The following SVIL variants were observed in gnomAD, a reference collection of about 807,000 sequenced individuals.
SVIL encodes the protein supervillin.
SVIL carries 101 observed loss-of-function variants against 240.4 expected under a neutral mutation model. That is an observed-to-expected ratio of 0.42 (90% confidence interval 0.36 to 0.50). The LOEUF is 0.50. Ranked by LOEUF, SVIL falls within the 20% of genes least tolerant of loss-of-function variation. The pLI is 0.01. For missense variants in SVIL, 2,512 were observed against 2,818.7 expected (o/e 0.89, Z 2.46); for synonymous variants, 999 against 1,100.0 (o/e 0.91, Z 1.82).
intron 1 of SVIL, among the ~76,000 whole-genome samples, chr10:29,588,769 T>A (rs1246850950): frequency 6.6e-6 from 1 of 152,212 alleles, no homozygotes; most frequent in Non-Finnish European, 1.5e-5. Context: ...GGGTACCTTA[T>A]GTAAAATGTA....
chr10:29,632,365 C>T (rs1161111357), intron 1 of SVIL, among the ~76,000 whole-genome samples: 1 of 152,032 alleles, frequency 6.6e-6, no homozygotes, highest in Non-Finnish European at 1.5e-5. Flanking sequence ...GTGGCATATG[C>T]CTGTAATCCC....
At chr10:29,609,454 G>A (rs1957155806) in intron 1 of SVIL, among the ~76,000 whole-genome samples, 1 of 152,206 alleles carries the variant, frequency 6.6e-6, no homozygotes, top group Non-Finnish European at 1.5e-5. Context: ...TGGTGGGACT[G>A]AAAGAGCTGT....
intron 1 of SVIL, among the ~76,000 whole-genome samples, chr10:29,578,977 G>C (rs1176015183): frequency 6.6e-6 from 1 of 152,172 alleles, no homozygotes; most frequent in Non-Finnish European, 1.5e-5. Context: ...CATGTAGGGA[G>C]AATCAGGAAG....
At chr10:29,656,605 C>T (rs1364045037) in intron 3 of SVIL, among the ~76,000 whole-genome samples, 1 of 152,192 alleles carries the variant, frequency 6.6e-6, no homozygotes. Context: ...ATGAAACTCA[C>T]CAGATCACAT....
chr10:29,481,580 A>G lies in SVIL; in HGVS notation c.5100+4T>C. On this transcript the variant is annotated splice_donor_region_variant and intron_variant, in intron 28 of 37. Coordinates refer to ENST00000355867, the MANE Select transcript of SVIL (RefSeq NM_021738.3). ...CGAGTTTTGAGGCTTGGTCGCCGGA[A>G]TACCTTGTGCTGGGCAAGTTCCCCG... The G allele has an allele frequency of 1.2e-6, 2 of 1,613,580 alleles. No individual in the cohort carries two copies. Among genetic ancestry groups the G allele is most frequent in the Non-Finnish European group, 1.7e-6 (2 of 1,179,894 alleles).
At chr10:29,592,492 C>T (rs570005925) in intron 1 of SVIL, among the ~76,000 whole-genome samples, 1 of 152,270 alleles carries the variant, frequency 6.6e-6, no homozygotes, top group African/African-American at 2.4e-5. Context: ...ACCTAAGTCG[C>T]CAGGTGCTGT....
At chr10:29,606,640 T>C (rs990234129) in intron 1 of SVIL, among the ~76,000 whole-genome samples, 8 of 152,256 alleles carry the variant, frequency 5.3e-5, no homozygotes, top group African/African-American at 1.9e-4. Context: ...TTTGGTATCA[T>C]CTAATACTTG....
At chr10:29,720,267 T>C (rs893753611) in intron 1 of SVIL, among the ~76,000 whole-genome samples, 6 of 152,090 alleles carry the variant, frequency 3.9e-5, no homozygotes, top group Admixed American at 3.3e-4. Flanking sequence ...CAAAAGAAGG[T>C]AAGAATGATA....
At chr10:29,694,231 CAA>C (rs61095076) in intron 1 of SVIL, among the ~76,000 whole-genome samples, 26 of 99,824 alleles carry the variant, frequency 2.6e-4, no homozygotes, top group Admixed American at 2.1e-4. Context: ...CTGTGTCTAC[CAA>C]AAAAAAAAAA....
chr10:29,475,270 A>G (rs1439182032), intron 29 of SVIL: 1 of 152,196 alleles, frequency 6.6e-6, no homozygotes, highest in Non-Finnish European at 1.5e-5. Flanking sequence ...GCCTCAAGTG[A>G]TCCTCCCACC....
chr10:29,577,600 T>G (rs1033652198), intron 1 of SVIL, among the ~76,000 whole-genome samples: 1 of 152,306 alleles, frequency 6.6e-6, no homozygotes, highest in African/African-American at 2.4e-5. Context: ...GGCACTTAGG[T>G]TGGTTCCATG....
Position 29,699,381 on chromosome 10 carries a change from A to C in SVIL, c.-399-12730T>G, listed in dbSNP as rs1056572617. ...ATGCAGTGCAATCTTGGCTCACTGCAACCTCTGCCTCCCTGGGTTCAAGCA... is the reference window on the plus strand; with the variant it reads ...ATGCAGTGCAATCTTGGCTCACTGCCACCTCTGCCTCCCTGGGTTCAAGCA... On this transcript the variant is annotated intron_variant, in intron 1 of 35. Transcript: ENST00000375400. Among the ~76,000 whole-genome samples, 14 of 152,076 alleles carry C rather than the reference A, an allele frequency of 9.2e-5. No homozygotes were observed. The East Asian group carries it at 2.5e-3, about 27-fold the overall frequency.
At chr10:29,625,873 G>A (rs963424892) in intron 1 of SVIL, among the ~76,000 whole-genome samples, 1 of 152,192 alleles carries the variant, frequency 6.6e-6, no homozygotes, top group African/African-American at 2.4e-5. Context: ...AGCCTTACAA[G>A]TGTCTCCTTT....
chr10:29,504,523 GGAAAAACATC>G (rs1414663780), intron 17 of SVIL, among the ~76,000 whole-genome samples: 1 of 152,068 alleles, frequency 6.6e-6, no homozygotes, highest in East Asian at 1.9e-4. Flanking sequence ...TTAACAGATG[GGAAAAACATC>G]TGAATAGATA....
At chr10:29,533,865 G>A (rs1159926595) in intron 7 of SVIL, among the ~76,000 whole-genome samples, 1 of 152,150 alleles carries the variant, frequency 6.6e-6, no homozygotes, top group African/African-American at 2.4e-5. Context: ...CACGGACTGT[G>A]GGGGAAGGTT....
chr10:29,575,835 C>A (rs1955670510), intron 1 of SVIL, among the ~76,000 whole-genome samples: 1 of 152,064 alleles, frequency 6.6e-6, no homozygotes. Flanking sequence ...TACTTTTTAC[C>A]TAGGATTGAT....
At chr10:29,618,012 A>G (rs1040064856) in intron 1 of SVIL, among the ~76,000 whole-genome samples, 2 of 152,206 alleles carry the variant, frequency 1.3e-5, no homozygotes, top group Non-Finnish European at 2.9e-5. Context: ...CCTCTAATCC[A>G]TGATAAAGTG....
chr10:29,475,425 G>A (rs1351785366), intron 29 of SVIL: 4 of 152,226 alleles, frequency 2.6e-5, no homozygotes, highest in Non-Finnish European at 5.9e-5. Flanking sequence ...AATGAGCGGG[G>A]ACTTCAGGAT....
chr10:29,730,612 G>A (rs190321988), intron 1 of SVIL, among the ~76,000 whole-genome samples: 165 of 152,340 alleles, frequency 1.1e-3, no homozygotes, highest in African/African-American at 3.9e-3. Context: ...GATGAAGTAA[G>A]AGATACATGA....
Sources: gnomAD v4.1 joint callset for allele counts (sites outside exome capture counted in the v4.1 genomes callset) on GRCh38, gnomAD v4.1.1 for gene constraint, MANE v1.5 for transcripts, NCBI Gene and HGNC (gene_info 2026-07-23, HGNC 2026-07-21) for gene names.